Variants in CNTN3 observed in about 807,000 individuals in gnomAD.
CNTN3 encodes contactin-3.
Under a neutral mutation model 119.1 loss-of-function variants are expected in CNTN3, and 60 were observed. The observed-to-expected ratio is 0.50, with a 90% CI of 0.41 to 0.62. CNTN3 has a LOEUF of 0.62. Among genes scored for constraint, CNTN3 ranks in the 20% least tolerant of loss-of-function variants. The probability of loss-of-function intolerance (pLI) is 0.00; values close to 1 mark genes in which losing one functional copy is unlikely to be tolerated. For synonymous variants in CNTN3, 450 were observed against 438.7 expected, an observed-to-expected ratio of 1.03 and a Z score of -0.32; for missense variants, 1,101 against 1,242.4, an observed-to-expected ratio of 0.89 and a Z score of 1.71.
chr3:74,327,454 A>G lies in CNTN3; in HGVS notation c.1668+7281T>C, dbSNP rs139620103. On this transcript the variant is annotated intron_variant, in intron 13 of 22. Coordinates refer to ENST00000263665, the MANE Select transcript of CNTN3 (RefSeq NM_020872.3). The stretch of plus-strand genomic sequence containing the variant: ...GGTTAATCTTTGAATATAATGTTCA[A>G]TCTGGTTTGCTAAAATTTCCCTTAA... Among the ~76,000 whole-genome samples, 386 of 152,102 alleles carry G rather than the reference A, an allele frequency of 2.5e-3. 3 individuals are homozygous for G. The highest frequency in any genetic ancestry group is 8.8e-3 in the African/African-American group (366 of 41,518).
intron 1 of CNTN3, among the ~76,000 whole-genome samples, chr3:74,594,019 G>A (rs968792737): frequency 6.6e-6 from 1 of 151,870 alleles, no homozygotes; most frequent in Non-Finnish European, 1.5e-5. Context: ...CAGCATGGAA[G>A]AGAAGATATG....
intron 13 of CNTN3, among the ~76,000 whole-genome samples, chr3:74,318,791 T>C (rs1702904286): frequency 6.6e-6 from 1 of 152,154 alleles, no homozygotes; most frequent in Non-Finnish European, 1.5e-5. Context: ...CCAGTTAGGC[T>C]GCTCGGGGGT....
chr3:74,386,159 G>A (rs1166747169), intron 5 of CNTN3, among the ~76,000 whole-genome samples: 1 of 152,150 alleles, frequency 6.6e-6, no homozygotes, highest in Non-Finnish European at 1.5e-5. Context: ...CTCTATGTAG[G>A]TGCTCAATCA....
intron 11 of CNTN3, among the ~76,000 whole-genome samples, chr3:74,341,963 A>T (rs1278935647): frequency 6.6e-6 from 1 of 152,134 alleles, no homozygotes; most frequent in Admixed American, 6.6e-5. Flanking sequence ...AGCATATCTC[A>T]GTGGAGTTGC....
intron 4 of CNTN3, among the ~76,000 whole-genome samples, chr3:74,435,269 G>A (rs1278431025): frequency 6.6e-6 from 1 of 152,144 alleles, no homozygotes; most frequent in East Asian, 1.9e-4. Context: ...CTCCCTTCCA[G>A]GCTCCAGAGA....
At chr3:74,555,803 T>G (rs1704060125) in intron 1 of CNTN3, among the ~76,000 whole-genome samples, 1 of 152,192 alleles carries the variant, frequency 6.6e-6, no homozygotes, top group Non-Finnish European at 1.5e-5. Flanking sequence ...TCTTCTCTCT[T>G]TTCTTCTTTA....
chr3:74,298,084 G>T lies in CNTN3; in HGVS notation c.2274C>A (p.Thr758=). The change falls in exon 18 of 23, where the codon ACC becomes ACA. Residue 758 remains threonine, a synonymous_variant. Coordinates refer to ENST00000263665, the MANE Select transcript of CNTN3 (RefSeq NM_020872.3). ...TTTCATTCCTAAAGACATATCTTGG[G>T]GTGTCAGGGGATGTCACCACTGTCT... is the stretch of plus-strand genomic sequence containing the variant. ...WIQTVVTSPD[T]PRYVFRNESI... 6.2e-7 allele frequency: 1 copy of T among 1,613,944 alleles called. No homozygotes were observed. Among genetic ancestry groups the T allele is most frequent in the Non-Finnish European group, 8.5e-7 (1 of 1,179,918 alleles).
At chr3:74,456,643 C>T in intron 4 of CNTN3, among the ~76,000 whole-genome samples, 1 of 152,044 alleles carries the variant, frequency 6.6e-6, no homozygotes, top group East Asian at 1.9e-4. Flanking sequence ...GTGTGGAAAG[C>T]AAACTGCCTA....
chr3:74,292,723 G>A (rs1702257288), intron 19 of CNTN3, among the ~76,000 whole-genome samples: 1 of 152,206 alleles, frequency 6.6e-6, no homozygotes, highest in African/African-American at 2.4e-5. Flanking sequence ...CAGAGTTTAT[G>A]TAATTTTCCA....
At chr3:74,530,244 A>G (rs1391177621) in intron 1 of CNTN3, among the ~76,000 whole-genome samples, 1 of 152,006 alleles carries the variant, frequency 6.6e-6, no homozygotes, top group African/African-American at 2.4e-5. Flanking sequence ...CAGGATGCTC[A>G]TGCGAAGTTT....
chr3:74,468,728 G>A (rs1054514624), intron 4 of CNTN3, among the ~76,000 whole-genome samples: 24 of 152,270 alleles, frequency 1.6e-4, no homozygotes, highest in African/African-American at 5.1e-4. Flanking sequence ...GGAATAGGGA[G>A]GTTTCTGGAT....
intron 5 of CNTN3, among the ~76,000 whole-genome samples, chr3:74,412,569 G>T (rs1407868271): frequency 6.6e-6 from 1 of 152,112 alleles, no homozygotes; most frequent in Non-Finnish European, 1.5e-5. Flanking sequence ...CCCTCAGATT[G>T]CTAAGTGAAT....
At chr3:74,530,258 G>A (rs750814924) in intron 1 of CNTN3, among the ~76,000 whole-genome samples, 20 of 151,942 alleles carry the variant, frequency 1.3e-4, no homozygotes, top group Non-Finnish European at 1.9e-4. Context: ...GAAGTTTCCT[G>A]GACCACCAAT....
chr3:74,479,554 C>T (rs767882406), intron 4 of CNTN3, among the ~76,000 whole-genome samples: 10 of 152,060 alleles, frequency 6.6e-5, no homozygotes. Context: ...AGTATGCCAG[C>T]ATACTAATTT....
Position 74,371,255 on chromosome 3 carries a change from C to T in CNTN3, c.599G>A (p.Ser200Asn), listed in dbSNP as rs781317417. Residue 200 changes from serine (S) to asparagine (N), a missense_variant, in exon 6 of 23, where the codon AGT (serine) becomes AAT (asparagine). Transcript: ENST00000263665. ...DVGNYTCVVT[S>N]MVTNARVLGS... ...CAGCACTCGGGCATTTGTCACCATA[C>T]TTGTCACCACACATGTGTAATTTCC... The T allele has an allele frequency of 6.2e-7, 1 of 1,613,402 alleles. No individual in the cohort carries two copies. Among genetic ancestry groups the T allele is most frequent in the Non-Finnish European group, 8.5e-7 (1 of 1,179,694 alleles).
At chr3:74,586,444 T>C (rs1704594183) in intron 1 of CNTN3, among the ~76,000 whole-genome samples, 1 of 152,062 alleles carries the variant, frequency 6.6e-6, no homozygotes, top group Admixed American at 6.6e-5. Context: ...GCAATACTGA[T>C]GAAGAATATA....
intron 3 of CNTN3, among the ~76,000 whole-genome samples, chr3:74,495,149 G>C (rs1436519632): frequency 1.3e-5 from 2 of 152,028 alleles, no homozygotes; most frequent in African/African-American, 2.4e-5. Context: ...GGAGAAGCCA[G>C]GATGTGGAAA....
chr3:74,399,616 C>T (rs1443167651), intron 5 of CNTN3, among the ~76,000 whole-genome samples: 3 of 152,078 alleles, frequency 2.0e-5, no homozygotes, highest in Non-Finnish European at 4.4e-5. Context: ...ATGCATGTGT[C>T]TTTATAACAG....
At chr3:74,393,933 A>G (rs34973475) in intron 5 of CNTN3, among the ~76,000 whole-genome samples, 46,554 of 152,114 alleles carry the variant, frequency 0.31, 8,021 homozygotes, top group Middle Eastern at 0.39. Flanking sequence ...CACTTAGAGC[A>G]TCATAAAAGT....
Sources: allele counts gnomAD v4.1 joint callset (sites outside exome capture counted in the v4.1 genomes callset), GRCh38; gene constraint gnomAD v4.1.1; transcripts MANE v1.5; gene names NCBI Gene and HGNC (gene_info 2026-07-23, HGNC 2026-07-21).